Variants in RNF170 observed in about 807,000 individuals in gnomAD.
RNF170 encodes ring finger protein 170, also known as E3 ubiquitin-protein ligase RNF170.
Under a neutral mutation model 32.7 loss-of-function variants are expected in RNF170, and 12 were observed. The ratio of observed to expected loss-of-function variants is 0.37; its 90% CI spans 0.24 to 0.60. RNF170 has a LOEUF of 0.60. Among genes scored for constraint, RNF170 ranks in the 20% least tolerant of loss-of-function variants. RNF170 has a pLI of 0.72. For missense variants in RNF170, 212 were observed against 311.2 expected (o/e 0.68, Z 2.40); for synonymous variants, 91 against 103.6 (o/e 0.88, Z 0.74).
rs1805944958 is a variant in RNF170, at chr8:42,887,784, A to G, written c.81T>C (p.Leu27=). Residue 27 remains leucine, a synonymous_variant, in exon 2 of 7, where the codon CTT becomes CTC. Transcript: ENST00000527424. ...AAGCGAAACTGACCACAACTGCCAC[A>G]AGTACTTGGTCGCTTACTCCTTCTA... ...SVIEGVSDQV[L]VAVVVSFALI... The G allele has an allele frequency of 1.2e-6, 2 of 1,613,876 alleles. No homozygotes were observed. Among genetic ancestry groups the G allele is most frequent in the East Asian group, 2.2e-5 (1 of 44,876 alleles).
At chr8:42,860,765 T>C (rs763464686) in intron 6 of RNF170, among the ~76,000 whole-genome samples, 5 of 151,790 alleles carry the variant, frequency 3.3e-5, no homozygotes, top group African/African-American at 4.8e-5. Flanking sequence ...TCGCCCAGGC[T>C]GGAGTGCAGT....
chr8:42,890,764 G>C (rs1385106863), intron 1 of RNF170, among the ~76,000 whole-genome samples: 1 of 152,168 alleles, frequency 6.6e-6, no homozygotes, highest in Non-Finnish European at 1.5e-5. Context: ...ACAAAAGCCA[G>C]GCTGTCAAAT....
At chr8:42,891,395 CCTT>C (rs942963265) in intron 1 of RNF170, among the ~76,000 whole-genome samples, 3 of 152,068 alleles carry the variant, frequency 2.0e-5, no homozygotes, top group African/African-American at 7.2e-5. Context: ...CAGATCTCCT[CCTT>C]CTAATTGCTG....
intron 1 of RNF170, among the ~76,000 whole-genome samples, chr8:42,894,024 G>A: frequency 6.6e-6 from 1 of 152,170 alleles, no homozygotes; most frequent in East Asian, 1.9e-4. Context: ...TAGAAAAATA[G>A]GAAATTCCGG....
chr8:42,850,301 G>A (rs1247764654), downstream of RNF170: 5 of 178,830 alleles, frequency 2.8e-5, no homozygotes, highest in South Asian at 4.9e-4. Flanking sequence ...GAAAGGGAGA[G>A]CAGGCTTTCC....
rs1274184888 is a variant in RNF170 at position 42,853,542 on chromosome 8, C to T, written c.*2617G>A. 8 of 1,287,058 alleles carry T rather than the reference C, an allele frequency of 6.2e-6. No individual in the cohort carries two copies. The highest frequency in any genetic ancestry group is 4.6e-5 in the Admixed American group (2 of 43,518). 79.7% of individuals were successfully genotyped at this position (1,287,058 alleles called of 1,614,324 possible). On this transcript the variant is annotated 3_prime_UTR_variant, in exon 7 of 7. Coordinates refer to ENST00000527424, the MANE Select transcript of RNF170 (RefSeq NM_030954.4). ...GTTGTTTTCCCCGTCTTGTTCCCCA[C>T]AGAGCTGCCCAAGTTATTATCTGCT...
Position 42,856,159 on chromosome 8 carries a change from T to G in RNF170, c.777A>C (p.Ter259CysextTer6). The G allele has an allele frequency of 6.2e-7, 1 of 1,612,912 alleles. No homozygotes were observed. Among genetic ancestry groups the G allele is most frequent in the Non-Finnish European group, 8.5e-7 (1 of 1,179,746 alleles). Reference protein sequence around the residue: ...REVITQRLTR* With the variant: ...REVITQRLTRC ...AGTAAACTCAGTTTTGTTTTCTTTTTCATCTAGTTAGCCTTTGGGTTATCA... is the reference window on the plus strand; with the variant it reads ...AGTAAACTCAGTTTTGTTTTCTTTTGCATCTAGTTAGCCTTTGGGTTATCA... Residue 259 changes from the stop codon to cysteine, a stop_lost, in exon 7 of 7, where the codon TGA (stop) becomes TGC (cysteine). Coordinates refer to ENST00000527424, the MANE Select transcript of RNF170 (RefSeq NM_030954.4).
intron 1 of RNF170, among the ~76,000 whole-genome samples, chr8:42,895,850 T>C (rs1293489499): frequency 6.6e-6 from 1 of 152,142 alleles, no homozygotes; most frequent in East Asian, 1.9e-4. Flanking sequence ...ATCACACTAG[T>C]CAGGCTAGGA....
At chr8:42,849,768 T>TTAG (rs1269753129), downstream of RNF170, 1 of 152,226 alleles carries the variant, frequency 6.6e-6, no homozygotes, top group African/African-American at 2.4e-5. Flanking sequence ...GTATTTCAAC[T>TTAG]TAGAGTTCCC....
chr8:42,855,566 T>A lies in RNF170; in HGVS notation c.*593A>T. ...AAAATGTGTTCTGTAAACTAGAATA[T>A]GATATCGAAGTATGAAGTTCAAGTT... On this transcript the variant is annotated 3_prime_UTR_variant, in exon 7 of 7. Transcript: ENST00000527424. The A allele has an allele frequency of 7.8e-7, 1 of 1,279,462 alleles. No homozygotes were observed. Among genetic ancestry groups the A allele is most frequent in the Non-Finnish European group, 1.0e-6 (1 of 981,436 alleles). 79.3% of individuals were successfully genotyped at this position (1,279,462 alleles called of 1,614,324 possible).
chr8:42,886,688 AGGTGCTGG>A (rs1295389177), intron 2 of RNF170, among the ~76,000 whole-genome samples: 12 of 152,070 alleles, frequency 7.9e-5, no homozygotes, highest in East Asian at 5.8e-4. Flanking sequence ...CAGCCTCCCA[AGGTGCTGG>A]GATTACCGGC....
intron 2 of RNF170, among the ~76,000 whole-genome samples, chr8:42,886,515 TCCCAAGTTCAAGTGATTCTCACG>T (rs1805840703): frequency 6.6e-6 from 1 of 152,154 alleles, no homozygotes; most frequent in Non-Finnish European, 1.5e-5. Flanking sequence ...AACCTCTGCC[TCCCAAGTTCAAGTGATTCTCACG>T]CCTCAGCCGC....
Position 42,896,564 on chromosome 8 carries a change from C to G in RNF170, c.-88G>C, listed in dbSNP as rs1330584519. The G allele has an allele frequency of 2.2e-6, 1 of 453,840 alleles. No homozygotes were observed. Among genetic ancestry groups the G allele is most frequent in the Admixed American group, 2.4e-5 (1 of 42,552 alleles). 28.1% of individuals were successfully genotyped at this position (453,840 alleles called of 1,614,324 possible). A position where few individuals can be genotyped will look rare whatever the true frequency, so the allele number is the denominator to read the frequency against. Reference sequence around the variant, plus strand: ...TTCCAGGACCGCTCCCGCCACCCCTCCCGGGCAACCCACTAGACGTCCCCT... The same window carrying G: ...TTCCAGGACCGCTCCCGCCACCCCTGCCGGGCAACCCACTAGACGTCCCCT... On this transcript the variant is annotated 5_prime_UTR_variant, in exon 1 of 7. Coordinates refer to ENST00000527424, the MANE Select transcript of RNF170 (RefSeq NM_030954.4).
At chr8:42,863,183 A>G (rs1310739045) in intron 5 of RNF170, among the ~76,000 whole-genome samples, 1 of 152,180 alleles carries the variant, frequency 6.6e-6, no homozygotes, top group Non-Finnish European at 1.5e-5. Flanking sequence ...TCCAGGATGA[A>G]TTACTCTTAT....
In RNF170 at chr8:42,856,270, T is replaced by C; in HGVS notation, c.666A>G (p.Glu222=). The C allele has an allele frequency of 1.2e-6, 2 of 1,604,632 alleles. No individual in the cohort carries two copies. The highest frequency in any genetic ancestry group is 1.7e-6 in the Non-Finnish European group (2 of 1,177,202). The stretch of plus-strand genomic sequence containing the variant: ...GAAAGCCTAGAATTCCAAACAAGGC[T>C]TCAGGTACAAAATCTAGAGGTGATA... The part of the protein sequence containing the change: ...YLISPLDFVP[E]ALFGILGFLD... The change falls in exon 7 of 7, where the codon GAA becomes GAG. Residue 222 remains glutamate, a synonymous_variant. Transcript: ENST00000527424.
In RNF170 at chr8:42,875,191, G is replaced by A. The variant is rs938354027; in HGVS notation, c.138-1185C>T. Among the ~76,000 whole-genome samples the A allele has an allele frequency of 8.9e-4, 133 of 149,182 alleles. 1 individual carries two copies. The highest frequency in any genetic ancestry group is 2.4e-3 in the Admixed American group (36 of 15,048). ...TCTTAAAAAAAAAAAAAAAAAGAAA[G>A]ATGTGTTGGTCAGGCTGGTAGGTGG... On this transcript the variant is annotated intron_variant, in intron 2 of 6. Transcript: ENST00000527424.
intron 6 of RNF170, chr8:42,861,385 G>A (rs1803647239): frequency 5.9e-6 from 1 of 169,100 alleles, no homozygotes; most frequent in South Asian, 1.7e-4. Context: ...CTGCCACCCA[G>A]GTGGGAGTGC....
intron 1 of RNF170, among the ~76,000 whole-genome samples, chr8:42,893,733 A>G (rs1806507289): frequency 6.6e-6 from 1 of 152,210 alleles, no homozygotes; most frequent in South Asian, 2.1e-4. Flanking sequence ...CCATGTTTTG[A>G]TATGATAAAA....
chr8:42,881,161 A>T (rs1436225248), intron 2 of RNF170: 2 of 152,242 alleles, frequency 1.3e-5, no homozygotes, highest in African/African-American at 4.8e-5. Flanking sequence ...ACTCAAAAAC[A>T]AAAAAGTAAA....
Sources: gnomAD v4.1 joint callset for allele counts (sites outside exome capture counted in the v4.1 genomes callset) on GRCh38, gnomAD v4.1.1 for gene constraint, MANE v1.5 for transcripts, NCBI Gene and HGNC (gene_info 2026-07-23, HGNC 2026-07-21) for gene names.